Variants in PTPN1 observed in about 807,000 individuals in gnomAD.
PTPN1 encodes protein tyrosine phosphatase non-receptor type 1.
Under a neutral mutation model 59.9 loss-of-function variants are expected in PTPN1, and 12 were observed. That is an observed-to-expected ratio of 0.20 (90% CI 0.13 to 0.32). The LOEUF is 0.32. Among genes scored for constraint, PTPN1 ranks in the 10% least tolerant of loss-of-function variants. PTPN1 has a pLI of 1.00. For synonymous variants in PTPN1, 178 were observed against 203.6 expected, an observed-to-expected ratio of 0.87 and a Z score of 1.07; for missense variants, 356 against 549.2, an observed-to-expected ratio of 0.65 and a Z score of 3.52.
chr20:50,576,818 T>G (rs2082839241), intron 5 of PTPN1, among the ~76,000 whole-genome samples: 1 of 152,108 alleles, frequency 6.6e-6, no homozygotes, highest in Non-Finnish European at 1.5e-5. Flanking sequence ...GAGGTTGCAT[T>G]GAGCCGAGAT....
chr20:50,515,803 G>A (rs1470782052), intron 1 of PTPN1, among the ~76,000 whole-genome samples: 2 of 152,150 alleles, frequency 1.3e-5, no homozygotes, highest in Admixed American at 6.5e-5. Context: ...ACTCTAGGGG[G>A]GCAATGATGG....
chr20:50,532,321 G>A (rs867082118), intron 1 of PTPN1, among the ~76,000 whole-genome samples: 2 of 152,214 alleles, frequency 1.3e-5, no homozygotes, highest in Admixed American at 6.5e-5. Context: ...GAGGTTCACA[G>A]TTTATTATTT....
intron 1 of PTPN1, among the ~76,000 whole-genome samples, chr20:50,528,558 AC>A (rs1343510932): frequency 1.3e-5 from 2 of 151,954 alleles, no homozygotes; most frequent in Non-Finnish European, 2.9e-5. Flanking sequence ...TACTAAAAAT[AC>A]AAAAATTAGC....
rs561274928 is a variant in PTPN1, at chr20:50,548,063, C to T, written c.64-13300C>T. Among the ~76,000 whole-genome samples the T allele has an allele frequency of 9.2e-5, 14 of 152,172 alleles. No homozygotes were observed. The South Asian group carries it at 1.5e-3, about 16-fold the overall frequency. ...TATTCTCAACATCCTGCAGCTTGAC[C>T]GTTTGCCTCCGTGTCTCAGTGCTGC... is the stretch of plus-strand genomic sequence containing the variant. On this transcript the variant is annotated intron_variant, in intron 1 of 9. Transcript: ENST00000371621.
intron 5 of PTPN1, chr20:50,577,704 C>G (rs562497494): frequency 6.6e-6 from 1 of 152,322 alleles, no homozygotes. Context: ...GTCCACCTTT[C>G]AAACGTGTCT....
intron 1 of PTPN1, among the ~76,000 whole-genome samples, chr20:50,533,455 CCAGCCTGGATGCACT>C (rs2082610159): frequency 6.6e-6 from 1 of 152,064 alleles, no homozygotes; most frequent in South Asian, 2.1e-4. Flanking sequence ...CCCCCCGCCC[CCAGCCTGGATGCACT>C]CAGCCTGTAC....
At chr20:50,545,761 A>G (rs551006470) in intron 1 of PTPN1, among the ~76,000 whole-genome samples, 2 of 152,184 alleles carry the variant, frequency 1.3e-5, no homozygotes, top group East Asian at 3.9e-4. Context: ...CACACCTGTA[A>G]TCCCAGCACT....
At chr20:50,561,730 T>C (rs1385199487) in intron 2 of PTPN1, among the ~76,000 whole-genome samples, 2 of 152,226 alleles carry the variant, frequency 1.3e-5, no homozygotes, top group African/African-American at 4.8e-5. Flanking sequence ...ATCATTTTCC[T>C]ACCAGCTGAA....
At chr20:50,537,800 G>T (rs1232747057) in intron 1 of PTPN1, among the ~76,000 whole-genome samples, 1 of 152,128 alleles carries the variant, frequency 6.6e-6, no homozygotes, top group Non-Finnish European at 1.5e-5. Flanking sequence ...AAGGTATGCT[G>T]GATGATACCT....
intron 7 of PTPN1, 84 bp from the exon 8 acceptor site, chr20:50,579,618 CG>C: frequency 8.1e-7 from 1 of 1,235,126 alleles, no homozygotes; most frequent in Non-Finnish European, 1.2e-6. Context: ...CTCGCCAAGC[CG>C]TCACCTCTGC....
At chr20:50,558,667 A>G (rs932817098) in intron 1 of PTPN1, among the ~76,000 whole-genome samples, 2 of 151,976 alleles carry the variant, frequency 1.3e-5, no homozygotes, top group East Asian at 3.8e-4. Context: ...TCTCTATTGG[A>G]TATTCAGTTT....
chr20:50,522,279 T>A (rs572398876), intron 1 of PTPN1, among the ~76,000 whole-genome samples: 45 of 152,332 alleles, frequency 3.0e-4, no homozygotes, highest in African/African-American at 1.1e-3. Context: ...TTCAGTTATT[T>A]CCAGGAACTA....
intron 1 of PTPN1, among the ~76,000 whole-genome samples, chr20:50,551,138 G>T (rs2082700479): frequency 6.6e-6 from 1 of 152,120 alleles, no homozygotes; most frequent in Non-Finnish European, 1.5e-5. Context: ...TTAACTCCAG[G>T]CTCTAATTCA....
rs1405533571 is a variant in PTPN1 at position 50,568,322 on chromosome 20, A to G, written c.256-58A>G. 6.7e-7 allele frequency: 1 copy of G among 1,482,930 alleles called. No individual in the cohort carries two copies. Among genetic ancestry groups the G allele is most frequent in the African/African-American group, 1.4e-5 (1 of 72,232 alleles). 91.9% of individuals were successfully genotyped at this position (1,482,930 alleles called of 1,614,324 possible). ...CGTTAGCTGACTGCAGAAGGTGAGC[A>G]CACGCTGTAGCATGTTATGTTTCAG... On this transcript the variant is annotated intron_variant, in intron 3 of 9. Transcript: ENST00000371621. The surrounding 1 kb of genome is among the most constrained non-coding windows in gnomAD (Gnocchi z 5.6).
chr20:50,565,146 A>G (rs2082772956), intron 3 of PTPN1, 77 bp downstream of exon 3: 2 of 1,403,248 alleles, frequency 1.4e-6, no homozygotes, highest in African/African-American at 1.5e-5. Context: ...CCTCAAATAA[A>G]ATCTGCCACA....
intron 1 of PTPN1, among the ~76,000 whole-genome samples, chr20:50,556,321 T>C (rs2082725683): frequency 1.3e-5 from 2 of 151,820 alleles, no homozygotes; most frequent in Admixed American, 1.3e-4. Context: ...CTTGTGTAGA[T>C]GGAAGCACAG....
intron 1 of PTPN1, among the ~76,000 whole-genome samples, chr20:50,515,251 C>G (rs2082524056): frequency 6.6e-6 from 1 of 152,232 alleles, no homozygotes; most frequent in Admixed American, 6.5e-5. Flanking sequence ...GTTCTCCAAA[C>G]TCATCCTCGC....
intron 8 of PTPN1, among the ~76,000 whole-genome samples, chr20:50,580,856 A>T (rs774780554): frequency 5.3e-5 from 8 of 152,186 alleles, no homozygotes; most frequent in Non-Finnish European, 1.0e-4. Flanking sequence ...CGGTGTTGGG[A>T]TATTCTGTAG....
chr20:50,565,333 G>A lies in PTPN1; in HGVS notation c.255+264G>A, dbSNP rs1333516611. Among the ~76,000 whole-genome samples the A allele has an allele frequency of 1.3e-5, 2 of 152,350 alleles. 1 individual carries two copies. The highest frequency in any genetic ancestry group is 3.9e-4 in the East Asian group (2 of 5,192). On this transcript the variant is annotated intron_variant, in intron 3 of 9. Transcript: ENST00000371621. ...ACATTAAAATGCCAGAGTTGCCTGT[G>A]TGGTCTGTTGGCAGAGACAGCAGAG...
Sources: gnomAD v4.1 joint callset for allele counts (sites outside exome capture counted in the v4.1 genomes callset) on GRCh38, gnomAD v4.1.1 for gene constraint, Gnocchi (gnomAD v3.1) non-coding constraint, MANE v1.5 for transcripts, NCBI Gene and HGNC (gene_info 2026-07-23, HGNC 2026-07-21) for gene names.